The following TBC1D31 variants were observed in gnomAD, a reference collection of about 807,000 sequenced individuals.
The protein encoded by TBC1D31 is WD repeat domain 67.
In TBC1D31, 99 loss-of-function variants were observed where a neutral mutation model predicts 132.9. The ratio of observed to expected loss-of-function variants is 0.74; its 90% CI spans 0.63 to 0.88. The LOEUF (loss-of-function observed/expected upper bound fraction) is 0.88. Among genes scored for constraint, TBC1D31 ranks in the 40% least tolerant of loss-of-function variants. The pLI is 0.00. For synonymous variants in TBC1D31, 385 were observed against 419.4 expected, an observed-to-expected ratio of 0.92 and a Z score of 1.00; for missense variants, 1,134 against 1,256.6, an observed-to-expected ratio of 0.90 and a Z score of 1.48.
At chr8:123,099,380 A>G (rs1183975711) in intron 6 of TBC1D31, among the ~76,000 whole-genome samples, 1 of 152,138 alleles carries the variant, frequency 6.6e-6, no homozygotes, top group Admixed American at 6.5e-5. Context: ...TCGGCCTCCC[A>G]AAGTGCTGGG....
At position 123,126,599 on chromosome 8, in the gene TBC1D31, A is replaced by ATCCT. The variant is rs1820054741; in HGVS notation, c.1807_1810dup (p.Leu604ProfsTer13). 1.2e-6 allele frequency: 2 copies of ATCCT among 1,613,600 alleles called. No homozygotes were observed. The highest frequency in any genetic ancestry group is 1.1e-5 in the South Asian group (1 of 91,058). On this transcript the variant is annotated frameshift_variant, in exon 13 of 22. Transcript: ENST00000287380. LOFTEE classifies it high-confidence loss of function. ...TTGTTCGATAATATCTTTTCCAACCATCCTTCCTTCCTTCTGATGACTGTT... is the reference window on the plus strand; with the variant it reads ...TTGTTCGATAATATCTTTTCCAACCATCCTTCCTTCCTTCCTTCTGATGACTGTT...
the TBC1D31 span, among the ~76,000 whole-genome samples, chr8:123,163,268 A>G: frequency 9.2e-5 from 14 of 151,862 alleles, no homozygotes; most frequent in Middle Eastern, 3.4e-3. Flanking sequence ...ATACCATATA[A>G]TTCACCTATT....
At chr8:123,146,528 C>T (rs1822226495) in intron 20 of TBC1D31, among the ~76,000 whole-genome samples, 1 of 152,092 alleles carries the variant, frequency 6.6e-6, no homozygotes, top group Non-Finnish European at 1.5e-5. Context: ...AATAATATTC[C>T]ATTGTGTGGA....
In TBC1D31 at chr8:123,128,600, AGC is replaced by A. The variant is rs571250846; in HGVS notation, c.2117+91_2117+92del. On this transcript the variant is annotated intron_variant, in intron 14 of 21. Transcript: ENST00000287380. ...TTTTAATGAAAAATACATTTGGCTGAGCGCGGTGGCTCACGCCTATAGTCCCA... is the reference window on the plus strand; with the variant it reads ...TTTTAATGAAAAATACATTTGGCTGAGCGGTGGCTCACGCCTATAGTCCCA... 6,601 of 1,099,180 alleles carry A rather than the reference AGC, an allele frequency of 6.0e-3. 43 individuals are homozygous for A. Among genetic ancestry groups the A allele is most frequent in the Non-Finnish European group, 8.1e-3 (6,182 of 761,900 alleles). The allele number at this position is 1,099,180 out of a possible 1,614,324, so 68.1% of individuals were successfully genotyped here. A position where few individuals can be genotyped will look rare whatever the true frequency, so the allele number is the denominator to read the frequency against.
intron 20 of TBC1D31, among the ~76,000 whole-genome samples, chr8:123,148,655 C>T (rs1202744878): frequency 6.6e-6 from 1 of 152,168 alleles, no homozygotes; most frequent in African/African-American, 2.4e-5. Context: ...GGCCAGCGTG[C>T]TTGTGCCAGA....
chr8:123,074,815 A>C (rs1224144880), intron 1 of TBC1D31: 2 of 152,230 alleles, frequency 1.3e-5, no homozygotes, highest in Non-Finnish European at 2.9e-5. Context: ...TTAATCACTA[A>C]GGCTGTCAGT....
intron 2 of TBC1D31, 112 bp downstream of exon 2, chr8:123,077,369 T>C (rs1285947794): frequency 3.6e-6 from 4 of 1,125,906 alleles, no homozygotes; most frequent in Admixed American, 2.8e-5. Flanking sequence ...TTCTATTATA[T>C]TTCAGGTACC....
intron 17 of TBC1D31, among the ~76,000 whole-genome samples, chr8:123,137,460 G>C (rs529651893): frequency 6.6e-6 from 1 of 152,362 alleles, no homozygotes; most frequent in South Asian, 2.1e-4. Context: ...AAAGGTAAAA[G>C]GCACATGGAG....
chr8:123,142,246 T>C lies in TBC1D31; in HGVS notation c.2641-16T>C. The C allele has an allele frequency of 6.5e-7, 1 of 1,549,852 alleles. No individual in the cohort carries two copies. The highest frequency in any genetic ancestry group is 8.7e-7 in the Non-Finnish European group (1 of 1,151,988). ...GTAGTTTGACCTTGTTTCTGAAATG[T>C]ATAACTTTTTCCTAGGTGATTAAAG... On this transcript the variant is annotated splice_polypyrimidine_tract_variant and intron_variant, in intron 18 of 21. Transcript: ENST00000287380.
chr8:123,102,561 A>G, intron 7 of TBC1D31: 1 of 267,186 alleles, frequency 3.7e-6, no homozygotes, highest in East Asian at 1.1e-4. Context: ...GTAAATATAT[A>G]TAGTCACTCC....
At chr8:123,073,370 G>A (rs1474896229) in intron 1 of TBC1D31, 3 of 456,354 alleles carry the variant, frequency 6.6e-6, no homozygotes, top group South Asian at 4.6e-5. Flanking sequence ...ACGCCTCTAA[G>A]CGCTGGGGAC....
intron 4 of TBC1D31, 114 bp downstream of exon 4, chr8:123,084,454 C>T: frequency 9.6e-7 from 1 of 1,042,482 alleles, no homozygotes; most frequent in Non-Finnish European, 1.4e-6. Flanking sequence ...AGCTCTGTAA[C>T]TCAGCAACAA....
chr8:123,078,100 G>T (rs556708823), intron 2 of TBC1D31, among the ~76,000 whole-genome samples: 15 of 152,168 alleles, frequency 9.9e-5, no homozygotes, highest in Non-Finnish European at 1.8e-4. Flanking sequence ...CTCTTCCCTT[G>T]TGAAACAATT....
chr8:123,080,529 CTTTTTTTT>C (rs57694076), intron 2 of TBC1D31, among the ~76,000 whole-genome samples: 1 of 76,320 alleles, frequency 1.3e-5, no homozygotes, highest in Non-Finnish European at 2.3e-5. Flanking sequence ...TTCTTTTATT[CTTTTTTTT>C]TTTTTTTTTT....
rs376820858 is a variant in TBC1D31 at position 123,109,416 on chromosome 8, T to G, written c.1289+20T>G. ...ATACAGGTACAATTTAAATTCTGTA[T>G]GTTACATCAGTTTTACTCAAAAAAA... is the stretch of plus-strand genomic sequence containing the variant. On this transcript the variant is annotated intron_variant, in intron 9 of 21. Transcript: ENST00000287380. 6.2e-7 allele frequency: 1 copy of G among 1,608,204 alleles called. No individual in the cohort carries two copies. The highest frequency in any genetic ancestry group is 1.3e-5 in the African/African-American group (1 of 74,536).
chr8:123,099,143 G>A (rs555666519), intron 6 of TBC1D31, among the ~76,000 whole-genome samples: 9 of 152,126 alleles, frequency 5.9e-5, no homozygotes, highest in South Asian at 4.2e-4. Context: ...GTTTTGAGAC[G>A]GAGTCTCGCT....
rs1821789457 is a variant in TBC1D31, at chr8:123,142,381, A to T, written c.2760A>T (p.Val920=). The change falls in exon 19 of 22, where the codon GTA becomes GTT. Residue 920 remains valine, a synonymous_variant. Coordinates refer to ENST00000287380, the MANE Select transcript of TBC1D31 (RefSeq NM_145647.4). ...DLQRNKCYQE[V]AKLLRENRRK... Reference sequence around the variant, plus strand: ...AACGAAACAAATGTTACCAGGAAGTAGCCAAACTCCTTAGGGAAAACAGAA... The same window carrying T: ...AACGAAACAAATGTTACCAGGAAGTTGCCAAACTCCTTAGGGAAAACAGAA... The T allele has an allele frequency of 1.9e-6, 3 of 1,609,422 alleles. No individual in the cohort carries two copies. Among genetic ancestry groups the T allele is most frequent in the Non-Finnish European group, 2.5e-6 (3 of 1,178,240 alleles).
chr8:123,146,560 A>G (rs1290398767), intron 20 of TBC1D31, among the ~76,000 whole-genome samples: 8 of 152,240 alleles, frequency 5.3e-5, no homozygotes, highest in Non-Finnish European at 1.0e-4. Context: ...TTTTTAATCT[A>G]TTCATCAGTC....
chr8:123,119,577 C>T (rs1358698596), intron 10 of TBC1D31, among the ~76,000 whole-genome samples: 1 of 152,070 alleles, frequency 6.6e-6, no homozygotes, highest in Admixed American at 6.5e-5. Context: ...GGCATAGTGG[C>T]ATACATACAC....
Sources: allele counts gnomAD v4.1 joint callset (sites outside exome capture counted in the v4.1 genomes callset), GRCh38; gene constraint gnomAD v4.1.1; transcripts MANE v1.5; gene names NCBI Gene and HGNC (gene_info 2026-07-23, HGNC 2026-07-21).